Variants in CDC23 observed in about 807,000 individuals in gnomAD.
The protein encoded by CDC23 is cell division cycle 23, also known as cell division cycle protein 23 homolog.
CDC23 carries 26 observed loss-of-function variants against 81.7 expected under a neutral mutation model. The ratio of observed to expected loss-of-function variants is 0.32; its 90% CI spans 0.23 to 0.44. The LOEUF (loss-of-function observed/expected upper bound fraction) is 0.44. Ranked by LOEUF, CDC23 falls within the 20% of genes least tolerant of loss-of-function variation. The pLI is 1.00. For missense variants in CDC23, 519 were observed against 728.0 expected (o/e 0.71, Z 3.30); for synonymous variants, 267 against 270.8 (o/e 0.99, Z 0.14).
Position 138,201,096 on chromosome 5 carries a change from T to A in CDC23, c.654+11A>T. ...AGCAGAGGGTTTTTCACATAGCTCA[T>A]CACAATTTACCATCTCTTTGTCTGT... On this transcript the variant is annotated intron_variant, in intron 6 of 15. Transcript: ENST00000394886. 1 of 1,612,922 alleles carries A rather than the reference T, an allele frequency of 6.2e-7. No individual in the cohort carries two copies. Among genetic ancestry groups the A allele is most frequent in the East Asian group, 2.2e-5 (1 of 44,876 alleles).
At chr5:138,206,355 T>C (rs1309941063) in intron 3 of CDC23, 192 bp downstream of exon 3, 9 of 630,134 alleles carry the variant, frequency 1.4e-5, no homozygotes, top group African/African-American at 5.5e-5. Flanking sequence ...CTGTTAGTCA[T>C]TCCTAAGAAT....
At chr5:138,189,197 C>T (rs763477065) in intron 15 of CDC23, 49 bp from the exon 16 acceptor site, 5 of 1,550,248 alleles carry the variant, frequency 3.2e-6, no homozygotes, top group Non-Finnish European at 1.8e-6. Flanking sequence ...AAGCTAGTCT[C>T]GAAAACAAGT....
chr5:138,193,845 C>T (rs1754853459), intron 9 of CDC23, among the ~76,000 whole-genome samples: 1 of 152,030 alleles, frequency 6.6e-6, no homozygotes, highest in African/African-American at 2.4e-5. Context: ...GTAATCCCAG[C>T]TCCTCAGGAG....
intron 3 of CDC23, among the ~76,000 whole-genome samples, chr5:138,202,850 T>A (rs11743620): frequency 0.18 from 27,693 of 152,106 alleles, 2,736 homozygotes; most frequent in Middle Eastern, 0.21. Flanking sequence ...TTGCTTCAGA[T>A]AAAAATTAAC....
chr5:138,188,828 A>C lies in CDC23; in HGVS notation c.*150T>G, dbSNP rs1754787669. ...CCAGGATTCTGTCAGTTGGCCTCTG[A>C]AGGTAATTATACAAGCTGTCCCTAT... is the stretch of plus-strand genomic sequence containing the variant. On this transcript the variant is annotated 3_prime_UTR_variant, in exon 16 of 16. Transcript: ENST00000394886. 1 of 601,916 alleles carries C rather than the reference A, an allele frequency of 1.7e-6. No individual in the cohort carries two copies. Among genetic ancestry groups the C allele is most frequent in the African/African-American group, 1.9e-5 (1 of 52,482 alleles). 37.3% of individuals were successfully genotyped at this position (601,916 alleles called of 1,614,324 possible).
chr5:138,208,437 A>G (rs1265201567), intron 2 of CDC23, among the ~76,000 whole-genome samples: 1 of 151,972 alleles, frequency 6.6e-6, no homozygotes, highest in Non-Finnish European at 1.5e-5. Flanking sequence ...TCTCATATCA[A>G]CTCACCACTT....
At chr5:138,191,375 G>A in intron 13 of CDC23, 99 bp downstream of exon 13, 2 of 977,296 alleles carry the variant, frequency 2.0e-6, no homozygotes, top group Non-Finnish European at 3.3e-6. Flanking sequence ...CTACACCTAT[G>A]TAGAATGATG....
At chr5:138,209,195 G>A (rs773841787) in intron 2 of CDC23, among the ~76,000 whole-genome samples, 3 of 152,012 alleles carry the variant, frequency 2.0e-5, no homozygotes, top group Non-Finnish European at 4.4e-5. Context: ...GGGAGGCTAA[G>A]ACAGGTGGAT....
At chr5:138,195,671 T>C (rs1433785089) in intron 9 of CDC23, among the ~76,000 whole-genome samples, 1 of 113,384 alleles carries the variant, frequency 8.8e-6, no homozygotes, top group East Asian at 2.1e-4. Flanking sequence ...ATATATTTTA[T>C]ATATGCATAT....
intron 9 of CDC23, among the ~76,000 whole-genome samples, chr5:138,196,591 T>G (rs935555868): frequency 4.7e-5 from 7 of 149,034 alleles, no homozygotes; most frequent in African/African-American, 1.5e-4. Flanking sequence ...TGCCCGGCCT[T>G]TTTTTTTGAG....
At position 138,201,114 on chromosome 5, in the gene CDC23, TTGTC is replaced by T; in HGVS notation, c.643_646del (p.Asp215LysfsTer4). 6.2e-7 allele frequency: 1 copy of T among 1,613,720 alleles called. No individual in the cohort carries two copies. The highest frequency in any genetic ancestry group is 8.5e-7 in the Non-Finnish European group (1 of 1,179,962). ...TAGCTCATCACAATTTACCATCTCT[TTGTC>T]TGTGATCAGGTTACAGAGTTCTAAC... On this transcript the variant is annotated frameshift_variant, in exon 6 of 16. Transcript: ENST00000394886. LOFTEE classifies it high-confidence loss of function.
chr5:138,192,568 A>G lies in CDC23; in HGVS notation c.1102T>C (p.Trp368Arg). The change falls in exon 10 of 16, where the codon TGG becomes CGG. Residue 368 changes from tryptophan to arginine, a missense_variant. Trp to Arg is a moderately radical substitution (Grantham distance 101). Around this residue, in one of 4 missense-constraint regions of CDC23, gnomAD observed 175 missense variants for 337.8 expected, o/e 0.52. Transcript: ENST00000394886. Reference protein sequence around the residue: ...LKLNPRYLGAWTLMGHEYMEM... With the variant: ...LKLNPRYLGARTLMGHEYMEM... The stretch of plus-strand genomic sequence containing the variant: ...ATGTACTCATGTCCCATTAGTGTCC[A>G]GGCACCAAGATACCGAGGATTTAAT... 6.2e-7 allele frequency: 1 copy of G among 1,614,196 alleles called. No individual in the cohort carries two copies. The highest frequency in any genetic ancestry group is 8.5e-7 in the Non-Finnish European group (1 of 1,179,998).
At chr5:138,206,069 G>T (rs1223840244) in intron 3 of CDC23, 1 of 157,942 alleles carries the variant, frequency 6.3e-6, no homozygotes, top group East Asian at 1.8e-4. Flanking sequence ...GAAAAAGTAG[G>T]AAAGTAAATT....
In CDC23 at chr5:138,192,616, A is replaced by G; in HGVS notation, c.1054T>C (p.Leu352=). 1 of 1,614,190 alleles carries G rather than the reference A, an allele frequency of 6.2e-7. No individual in the cohort carries two copies. Among genetic ancestry groups the G allele is most frequent in the South Asian group, 1.1e-5 (1 of 91,062 alleles). ...SLRSQHEKAA[L]YFQRALKLNP... The stretch of plus-strand genomic sequence containing the variant: ...AATTTCAGGGCTCTCTGGAAATATA[A>G]GGCTGCTTTCTCATGCTGAGAACGT... Residue 352 remains leucine (L), a synonymous_variant, in exon 10 of 16, where the codon TTA becomes CTA. Transcript: ENST00000394886.
At chr5:138,200,856 T>C (rs1214203447) in intron 6 of CDC23, 2 of 441,466 alleles carry the variant, frequency 4.5e-6, no homozygotes, top group African/African-American at 4.1e-5. Context: ...AGAACTGAAA[T>C]GTGAAAACAT....
At chr5:138,196,295 ATTTTT>A (rs771448189) in intron 9 of CDC23, among the ~76,000 whole-genome samples, 1 of 143,712 alleles carries the variant, frequency 7.0e-6, no homozygotes, top group Admixed American at 7.0e-5. Context: ...ATATATATTG[ATTTTT>A]TTTTTTTTTT....
chr5:138,200,119 A>AT (rs1192030868), intron 6 of CDC23, among the ~76,000 whole-genome samples: 1 of 151,992 alleles, frequency 6.6e-6, no homozygotes, highest in South Asian at 2.1e-4. Context: ...GGCCTGAACA[A>AT]TTTTTTGTTT....
At chr5:138,199,512 G>T (rs1478805531) in intron 6 of CDC23, among the ~76,000 whole-genome samples, 1 of 152,174 alleles carries the variant, frequency 6.6e-6, no homozygotes, top group Non-Finnish European at 1.5e-5. Context: ...GGGAACCCTA[G>T]ATAGAAAGTA....
intron 9 of CDC23, 100 bp downstream of exon 9, chr5:138,198,099 A>G (rs1276467467): frequency 1.1e-6 from 1 of 885,618 alleles, no homozygotes; most frequent in African/African-American, 1.7e-5. Context: ...AGAGGAAACT[A>G]AAGGCACGCA....
Sources: allele counts gnomAD v4.1 joint callset (sites outside exome capture counted in the v4.1 genomes callset), GRCh38; gene constraint gnomAD v4.1.1; regional missense constraint gnomAD v4.1.1; transcripts MANE v1.5; gene names NCBI Gene and HGNC (gene_info 2026-07-23, HGNC 2026-07-21).